Variants in STARD13 observed in about 807,000 individuals in gnomAD.
STARD13 encodes stAR-related lipid transfer protein 13.
STARD13 carries 62 observed loss-of-function variants against 106.4 expected under a neutral mutation model. The ratio of observed to expected loss-of-function variants is 0.58; its 90% CI spans 0.48 to 0.72. The LOEUF (loss-of-function observed/expected upper bound fraction) is 0.72. STARD13 is among the 30% of genes least tolerant of loss of function. The probability of loss-of-function intolerance (pLI) is 0.00; values close to 1 mark genes in which losing one functional copy is unlikely to be tolerated. For synonymous variants in STARD13, 565 were observed against 553.0 expected (o/e 1.02, Z -0.31); for missense variants, 1,387 against 1,424.0 (o/e 0.97, Z 0.42).
At chr13:33,125,547 A>G (rs1433429788) in intron 7 of STARD13, among the ~76,000 whole-genome samples, 1 of 152,162 alleles carries the variant, frequency 6.6e-6, no homozygotes, top group Non-Finnish European at 1.5e-5. Context: ...ATGAGGGGAT[A>G]TTTGACTTAG....
chr13:33,554,769 T>C, the STARD13 span, among the ~76,000 whole-genome samples: 11 of 152,218 alleles, frequency 7.2e-5, no homozygotes, highest in African/African-American at 2.6e-4. Flanking sequence ...GCTGGCTGAG[T>C]GTGACTGAGA....
the STARD13 span, among the ~76,000 whole-genome samples, chr13:33,414,644 G>T: frequency 6.6e-6 from 1 of 152,064 alleles, no homozygotes; most frequent in Admixed American, 6.5e-5. Context: ...AGGACAGGTG[G>T]GGGTGGGAGG....
chr13:33,455,727 G>A, the STARD13 span, among the ~76,000 whole-genome samples: 4 of 151,980 alleles, frequency 2.6e-5, no homozygotes, highest in African/African-American at 9.7e-5. Flanking sequence ...AGGTCAGATT[G>A]AGATCATTGT....
At chr13:33,663,347 C>CA in the STARD13 span, among the ~76,000 whole-genome samples, 5 of 151,648 alleles carry the variant, frequency 3.3e-5, no homozygotes, top group Non-Finnish European at 7.4e-5. Context: ...TTATTATGGA[C>CA]AAAAAATAAT....
At chr13:33,359,132 A>G in the STARD13 span, among the ~76,000 whole-genome samples, 34 of 95,808 alleles carry the variant, frequency 3.5e-4, no homozygotes, top group Admixed American at 2.3e-3. Context: ...GTTGCCTTCC[A>G]CACTGTGGAA....
At chr13:33,172,887 T>C (rs536367475) in intron 1 of STARD13, among the ~76,000 whole-genome samples, 5 of 152,326 alleles carry the variant, frequency 3.3e-5, no homozygotes, top group Non-Finnish European at 5.9e-5. Context: ...TCTCCTTGAA[T>C]TTCTATGGAC....
At chr13:33,172,791 T>C (rs544296189) in intron 1 of STARD13, among the ~76,000 whole-genome samples, 17 of 152,212 alleles carry the variant, frequency 1.1e-4, no homozygotes, top group Non-Finnish European at 2.1e-4. Context: ...ATCAGACATG[T>C]AGCTGGCTAG....
chr13:33,620,942 A>G, the STARD13 span, among the ~76,000 whole-genome samples: 3 of 151,846 alleles, frequency 2.0e-5, no homozygotes, highest in African/African-American at 7.2e-5. Context: ...TGAATTAAGT[A>G]ATAATGAAAA....
At chr13:33,638,815 C>T in the STARD13 span, among the ~76,000 whole-genome samples, 2 of 152,138 alleles carry the variant, frequency 1.3e-5, no homozygotes, top group Non-Finnish European at 2.9e-5. Flanking sequence ...CCATCAGTCA[C>T]TTGGGGGTCT....
At chr13:33,553,729 A>G in the STARD13 span, among the ~76,000 whole-genome samples, 1 of 151,170 alleles carries the variant, frequency 6.6e-6, no homozygotes, top group Non-Finnish European at 1.5e-5. Flanking sequence ...ACAGGCACCC[A>G]CCACCACGCC....
At chr13:33,367,233 A>T in the STARD13 span, among the ~76,000 whole-genome samples, 1 of 152,344 alleles carries the variant, frequency 6.6e-6, no homozygotes, top group Non-Finnish European at 1.5e-5. Flanking sequence ...CTTTTCTTTT[A>T]CAAAATGTAT....
chr13:33,432,267 T>C, the STARD13 span, among the ~76,000 whole-genome samples: 1 of 152,186 alleles, frequency 6.6e-6, no homozygotes, highest in Non-Finnish European at 1.5e-5. Context: ...ATCTTTCTTT[T>C]CTTCTTAGAG....
At chr13:33,655,946 A>C in the STARD13 span, among the ~76,000 whole-genome samples, 1 of 152,120 alleles carries the variant, frequency 6.6e-6, no homozygotes. Context: ...AGAGGTTCTT[A>C]GTGGCAAAGA....
In STARD13 at chr13:33,295,824, T is replaced by C. The variant is rs77139426; in HGVS notation, c.124+54466A>G. On this transcript the variant is annotated intron_variant, in intron 1 of 5. Coordinates refer to the STARD13 transcript ENST00000567873. ...GGGCGAGAAGGCTAGGAAGACTATA[T>C]GGGGGAAAAGATGCCCATGAAGAGA... Among the ~76,000 whole-genome samples the C allele has an allele frequency of 4.1e-3, 619 of 152,208 alleles. 4 individuals are homozygous for C. Among genetic ancestry groups the C allele is most frequent in the African/African-American group, 0.014 (585 of 41,532 alleles).
chr13:33,282,922 G>A (rs1891869725), intron 1 of STARD13, among the ~76,000 whole-genome samples: 1 of 151,992 alleles, frequency 6.6e-6, no homozygotes, highest in African/African-American at 2.4e-5. Context: ...CTCAGCTACT[G>A]AGGAGGCTGA....
At chr13:33,369,714 T>A in the STARD13 span, among the ~76,000 whole-genome samples, 1 of 152,160 alleles carries the variant, frequency 6.6e-6, no homozygotes, top group African/African-American at 2.4e-5. Flanking sequence ...ATTACATATA[T>A]TTTTTACATA....
intron 4 of STARD13, among the ~76,000 whole-genome samples, chr13:33,133,211 G>C (rs966061636): frequency 1.3e-5 from 2 of 152,158 alleles, no homozygotes. Flanking sequence ...CTTTATTTAG[G>C]TTAAGAACAC....
At chr13:33,403,252 G>T in the STARD13 span, among the ~76,000 whole-genome samples, 1 of 152,188 alleles carries the variant, frequency 6.6e-6, no homozygotes, top group Admixed American at 6.6e-5. Flanking sequence ...ATCCTGCAAG[G>T]GGGATCAGGG....
chr13:33,589,749 G>T, the STARD13 span, among the ~76,000 whole-genome samples: 1 of 152,206 alleles, frequency 6.6e-6, no homozygotes, highest in Non-Finnish European at 1.5e-5. Context: ...TAAGTGCGAT[G>T]TGGTGCTGAG....
Sources: gnomAD v4.1 joint callset for allele counts (sites outside exome capture counted in the v4.1 genomes callset) on GRCh38, gnomAD v4.1.1 for gene constraint, MANE v1.5 for transcripts, NCBI Gene and HGNC (gene_info 2026-07-23, HGNC 2026-07-21) for gene names.